The following STPG2 variants were observed in gnomAD, a reference collection of about 807,000 sequenced individuals.
STPG2 encodes the protein sperm tail PG-rich repeat containing 2.
Under a neutral mutation model 54.2 loss-of-function variants are expected in STPG2, and 56 were observed. The ratio of observed to expected loss-of-function variants is 1.03; its 90% CI spans 0.83 to 1.29. The LOEUF (loss-of-function observed/expected upper bound fraction) is 1.29. Among genes scored for constraint, STPG2 ranks in the 50% most tolerant of loss-of-function variants. STPG2 has a pLI of 0.00. For synonymous variants in STPG2, 200 were observed against 181.8 expected, an observed-to-expected ratio of 1.10 and a Z score of -0.81; for missense variants, 596 against 544.9, an observed-to-expected ratio of 1.09 and a Z score of -0.93.
intron 9 of STPG2, among the ~76,000 whole-genome samples, chr4:97,718,803 A>G (rs1256479866): frequency 6.6e-6 from 1 of 151,980 alleles, no homozygotes; most frequent in East Asian, 1.9e-4. Flanking sequence ...TAATGTAAAT[A>G]TTCTTAACCT....
chr4:97,654,325 A>G (rs540531640), intron 10 of STPG2, among the ~76,000 whole-genome samples: 31 of 152,278 alleles, frequency 2.0e-4, no homozygotes, highest in Admixed American at 8.5e-4. Context: ...GCATATTAAA[A>G]TTATATTTTT....
chr4:97,897,700 G>A (rs1731012024), intron 8 of STPG2, among the ~76,000 whole-genome samples: 1 of 152,062 alleles, frequency 6.6e-6, no homozygotes, highest in Non-Finnish European at 1.5e-5. Flanking sequence ...CTGCATGTAT[G>A]TCTTCTTTTG....
intron 9 of STPG2, among the ~76,000 whole-genome samples, chr4:97,775,341 G>T (rs1466352269): frequency 6.6e-6 from 1 of 152,220 alleles, no homozygotes; most frequent in South Asian, 2.1e-4. Flanking sequence ...TGCCATGTTG[G>T]TGTGCTGCAC....
At chr4:97,602,017 G>T (rs953009062) in intron 10 of STPG2, among the ~76,000 whole-genome samples, 1 of 149,312 alleles carries the variant, frequency 6.7e-6, no homozygotes, top group Admixed American at 6.6e-5. Flanking sequence ...TTACATAGTA[G>T]GTTTTAAATA....
chr4:98,043,421 G>A (rs147220688), intron 5 of STPG2, among the ~76,000 whole-genome samples: 1 of 151,510 alleles, frequency 6.6e-6, no homozygotes, highest in Non-Finnish European at 1.5e-5. Flanking sequence ...TTTTTCTCTT[G>A]CTGTCTTTTG....
chr4:97,519,728 C>A (rs1366999617), intron 4 of STPG2, among the ~76,000 whole-genome samples: 1 of 151,192 alleles, frequency 6.6e-6, no homozygotes, highest in Non-Finnish European at 1.5e-5. Context: ...CATCTCTAGC[C>A]AGGACACAAC....
intron 8 of STPG2, among the ~76,000 whole-genome samples, chr4:97,928,769 C>T (rs1341389118): frequency 6.6e-6 from 1 of 152,146 alleles, no homozygotes; most frequent in Non-Finnish European, 1.5e-5. Flanking sequence ...GGAACATATA[C>T]TATCTCCCAA....
At chr4:98,124,949 T>A (rs535503541) in intron 3 of STPG2, among the ~76,000 whole-genome samples, 86 of 152,348 alleles carry the variant, frequency 5.6e-4, no homozygotes, top group Non-Finnish European at 9.3e-4. Context: ...GAGATTCTTT[T>A]CTCCACTTGG....
At chr4:97,971,827 C>A (rs1184761624) in intron 7 of STPG2, among the ~76,000 whole-genome samples, 1 of 151,786 alleles carries the variant, frequency 6.6e-6, no homozygotes, top group Non-Finnish European at 1.5e-5. Flanking sequence ...AAAATAAAAT[C>A]ATAATTTAAA....
chr4:97,712,203 A>G (rs1275580176), intron 10 of STPG2, among the ~76,000 whole-genome samples: 1 of 152,172 alleles, frequency 6.6e-6, no homozygotes, highest in Non-Finnish European at 1.5e-5. Flanking sequence ...CACAGTTTCT[A>G]AAATCTTTCA....
chr4:97,584,353 T>A (rs755255683), intron 10 of STPG2, among the ~76,000 whole-genome samples: 5 of 151,842 alleles, frequency 3.3e-5, no homozygotes, highest in Non-Finnish European at 7.4e-5. Flanking sequence ...TGACAAAACT[T>A]ATCAAAACCT....
At chr4:98,080,617 C>T (rs889766021) in intron 5 of STPG2, among the ~76,000 whole-genome samples, 1 of 151,974 alleles carries the variant, frequency 6.6e-6, no homozygotes, top group African/African-American at 2.4e-5. Context: ...ACAAGGGAGG[C>T]CCATCTCAAA....
At chr4:97,442,845 A>C (rs535884111) in intron 4 of STPG2, among the ~76,000 whole-genome samples, 106 of 152,254 alleles carry the variant, frequency 7.0e-4, no homozygotes, top group African/African-American at 2.5e-3. Flanking sequence ...ATATTTCCTT[A>C]AAAGGGTGTG....
chr4:97,855,406 A>T (rs1241874244), intron 8 of STPG2, among the ~76,000 whole-genome samples: 1 of 151,744 alleles, frequency 6.6e-6, no homozygotes, highest in Non-Finnish European at 1.5e-5. Flanking sequence ...TTTGATTTCC[A>T]CTTCTCTAAT....
intron 7 of STPG2, among the ~76,000 whole-genome samples, chr4:97,945,250 ACT>A (rs1368858116): frequency 6.6e-6 from 1 of 151,310 alleles, no homozygotes; most frequent in African/African-American, 2.4e-5. Context: ...CCATTATATC[ACT>A]CTGTGTGTCT....
chr4:97,878,578 C>T (rs1382311577), intron 8 of STPG2, among the ~76,000 whole-genome samples: 6 of 152,174 alleles, frequency 3.9e-5, no homozygotes, highest in Non-Finnish European at 8.8e-5. Context: ...TCCATTTTAG[C>T]CATGGCTACA....
At chr4:97,860,282 A>T (rs565430037) in intron 8 of STPG2, among the ~76,000 whole-genome samples, 17 of 152,042 alleles carry the variant, frequency 1.1e-4, no homozygotes, top group African/African-American at 3.9e-4. Flanking sequence ...TGGTACTTTT[A>T]TGGGAATTGC....
At chr4:97,755,123 T>C (rs1725689468) in intron 9 of STPG2, among the ~76,000 whole-genome samples, 1 of 152,178 alleles carries the variant, frequency 6.6e-6, no homozygotes, top group Admixed American at 6.6e-5. Flanking sequence ...GGGAAGAGCA[T>C]ACTTTCTCGC....
At chr4:97,910,410 A>C (rs1179493019) in intron 8 of STPG2, among the ~76,000 whole-genome samples, 1 of 152,248 alleles carries the variant, frequency 6.6e-6, no homozygotes, top group African/African-American at 2.4e-5. Context: ...AACTAAAATC[A>C]ATATAGCAAA....
Sources: allele counts gnomAD v4.1 joint callset (sites outside exome capture counted in the v4.1 genomes callset), GRCh38; gene constraint gnomAD v4.1.1; transcripts MANE v1.5; gene names NCBI Gene and HGNC (gene_info 2026-07-23, HGNC 2026-07-21).